CNTN4: variants seen among roughly 807,000 people sequenced by gnomAD.
CNTN4 encodes the protein contactin 4, also known as contactin-4.
A neutral mutation model predicts 122.5 loss-of-function variants in CNTN4; 77 were observed. That is an observed-to-expected ratio of 0.63 (90% CI 0.52 to 0.76). The LOEUF (loss-of-function observed/expected upper bound fraction) is 0.76. Ranked by LOEUF, CNTN4 falls within the 30% of genes least tolerant of loss-of-function variation. The pLI is 0.00. For synonymous variants in CNTN4, 512 were observed against 447.0 expected, an observed-to-expected ratio of 1.15 and a Z score of -1.83; for missense variants, 1,256 against 1,259.1, an observed-to-expected ratio of 1.00 and a Z score of 0.04.
At chr3:2,131,646 T>A (rs1262212453) in intron 2 of CNTN4, among the ~76,000 whole-genome samples, 1 of 152,196 alleles carries the variant, frequency 6.6e-6, no homozygotes, top group Non-Finnish European at 1.5e-5. Context: ...AGCACACTCA[T>A]GTAAAATGTC....
At chr3:2,906,087 A>C (rs1577223263) in intron 12 of CNTN4, among the ~76,000 whole-genome samples, 1 of 152,350 alleles carries the variant, frequency 6.6e-6, no homozygotes, top group Middle Eastern at 3.4e-3. Flanking sequence ...TAAGTCAGGC[A>C]CAGAAAAATA....
intron 4 of CNTN4, among the ~76,000 whole-genome samples, chr3:2,626,316 A>G (rs1374414131): frequency 2.0e-5 from 3 of 151,372 alleles, no homozygotes; most frequent in Non-Finnish European, 4.4e-5. Flanking sequence ...ACACGGTGAA[A>G]CCCCATCTCT....
chr3:2,125,584 A>G (rs2034095834), intron 2 of CNTN4, among the ~76,000 whole-genome samples: 1 of 139,324 alleles, frequency 7.2e-6, no homozygotes, highest in South Asian at 2.2e-4. Context: ...TTTTGAGACG[A>G]GTCTCACACT....
intron 7 of CNTN4, among the ~76,000 whole-genome samples, chr3:2,852,461 CA>C (rs2093563562): frequency 6.6e-6 from 1 of 152,106 alleles, no homozygotes; most frequent in African/African-American, 2.4e-5. Context: ...TGTAAGTCAT[CA>C]AATGATTCTA....
intron 14 of CNTN4, among the ~76,000 whole-genome samples, chr3:2,999,517 T>C (rs765153224): frequency 2.0e-5 from 3 of 152,040 alleles, no homozygotes; most frequent in Non-Finnish European, 4.4e-5. Flanking sequence ...AAGATCAAGG[T>C]GCTGGCAGGT....
At chr3:2,547,988 T>G (rs1036408698) in intron 3 of CNTN4, among the ~76,000 whole-genome samples, 1 of 152,144 alleles carries the variant, frequency 6.6e-6, no homozygotes, top group African/African-American at 2.4e-5. Context: ...GCCCACTTTT[T>G]GATGAGGTTG....
intron 2 of CNTN4, among the ~76,000 whole-genome samples, chr3:2,271,976 T>C (rs947470222): frequency 1.3e-5 from 2 of 152,142 alleles, no homozygotes; most frequent in African/African-American, 4.8e-5. Context: ...TATGGAAACA[T>C]GTTCACAAGA....
At chr3:2,887,715 A>G (rs2093994760) in intron 10 of CNTN4, among the ~76,000 whole-genome samples, 1 of 152,188 alleles carries the variant, frequency 6.6e-6, no homozygotes, top group Non-Finnish European at 1.5e-5. Context: ...TTCTTATCAG[A>G]GTGGAACGTG....
At chr3:2,629,128 G>A (rs575263683) in intron 4 of CNTN4, among the ~76,000 whole-genome samples, 24 of 152,240 alleles carry the variant, frequency 1.6e-4, no homozygotes, top group Admixed American at 4.6e-4. Context: ...TGACTATGAG[G>A]TCATAAGGGT....
At chr3:2,144,703 A>G (rs1291106568) in intron 2 of CNTN4, among the ~76,000 whole-genome samples, 1 of 152,200 alleles carries the variant, frequency 6.6e-6, no homozygotes, top group Non-Finnish European at 1.5e-5. Flanking sequence ...TGGAATTGAG[A>G]ACTCAAATAT....
chr3:2,453,513 C>A (rs2048901370), intron 3 of CNTN4, among the ~76,000 whole-genome samples: 1 of 152,014 alleles, frequency 6.6e-6, no homozygotes, highest in Non-Finnish European at 1.5e-5. Flanking sequence ...ACAATATAAC[C>A]AAGTCCATTT....
At chr3:2,794,467 T>C (rs2092108497) in intron 6 of CNTN4, among the ~76,000 whole-genome samples, 1 of 152,208 alleles carries the variant, frequency 6.6e-6, no homozygotes, top group East Asian at 1.9e-4. Flanking sequence ...CTTTTTTTGT[T>C]CATAGAAAAG....
chr3:2,503,557 G>A (rs966844085), intron 3 of CNTN4, among the ~76,000 whole-genome samples: 2 of 152,048 alleles, frequency 1.3e-5, no homozygotes, highest in Middle Eastern at 3.2e-3. Context: ...TTTACAGAAA[G>A]TTGGGCATAG....
chr3:2,840,422 C>CT (rs1327289366), intron 7 of CNTN4, among the ~76,000 whole-genome samples: 4 of 152,010 alleles, frequency 2.6e-5, no homozygotes, highest in African/African-American at 4.8e-5. Flanking sequence ...AAAGCTGGGG[C>CT]CGGCGCGGTG....
intron 4 of CNTN4, among the ~76,000 whole-genome samples, chr3:2,675,838 T>C (rs1000297281): frequency 2.0e-5 from 3 of 152,202 alleles, no homozygotes; most frequent in Non-Finnish European, 4.4e-5. Context: ...CTAAGCCTAA[T>C]ATGTCTGTTA....
At chr3:2,394,784 G>GTTTTTTTT (rs56027529) in intron 3 of CNTN4, among the ~76,000 whole-genome samples, 2 of 108,488 alleles carry the variant, frequency 1.8e-5, no homozygotes, top group Non-Finnish European at 3.6e-5. Flanking sequence ...CCTTATATTA[G>GTTTTTTTT]TTTTTTTTTT....
chr3:2,536,160 C>G (rs1454333303), intron 3 of CNTN4, among the ~76,000 whole-genome samples: 1 of 152,160 alleles, frequency 6.6e-6, no homozygotes, highest in Non-Finnish European at 1.5e-5. Context: ...TTCAGAACCA[C>G]ATCTCCCACC....
At chr3:2,371,834 A>G (rs2045644273) in intron 3 of CNTN4, among the ~76,000 whole-genome samples, 1 of 152,238 alleles carries the variant, frequency 6.6e-6, no homozygotes, top group African/African-American at 2.4e-5. Context: ...TGTGATTTCT[A>G]TTCACTAATT....
intron 2 of CNTN4, among the ~76,000 whole-genome samples, chr3:2,207,913 C>G (rs552763336): frequency 3.3e-5 from 5 of 152,196 alleles, no homozygotes; most frequent in South Asian, 2.1e-4. Flanking sequence ...GAGGCCAATG[C>G]TCATTGACCA....
Sources: gnomAD v4.1 joint callset for allele counts (sites outside exome capture counted in the v4.1 genomes callset) on GRCh38, gnomAD v4.1.1 for gene constraint, MANE v1.5 for transcripts, NCBI Gene and HGNC (gene_info 2026-07-23, HGNC 2026-07-21) for gene names.